ST18: variants seen among roughly 807,000 people sequenced by gnomAD.
ST18 encodes ST18 C2H2C-type zinc finger transcription factor, also known as suppression of tumorigenicity 18 protein.
A neutral mutation model predicts 110.0 loss-of-function variants in ST18; 50 were observed. That is an observed-to-expected ratio of 0.45 (90% confidence interval 0.36 to 0.58). The LOEUF is 0.58. ST18 is among the 20% of genes least tolerant of loss of function. ST18 has a pLI of 0.00. For synonymous variants in ST18, 461 were observed against 452.4 expected (o/e 1.02, Z -0.24); for missense variants, 1,306 against 1,280.1 (o/e 1.02, Z -0.31).
intron 15 of ST18, among the ~76,000 whole-genome samples, chr8:52,155,119 T>C (rs1057439475): frequency 3.3e-5 from 5 of 151,320 alleles, no homozygotes; most frequent in African/African-American, 1.2e-4. Flanking sequence ...GGAGAATCAC[T>C]TGAACCCAGA....
At chr8:52,268,562 C>T (rs1589460750) in intron 2 of ST18, among the ~76,000 whole-genome samples, 1 of 151,938 alleles carries the variant, frequency 6.6e-6, no homozygotes, top group African/African-American at 2.4e-5. Flanking sequence ...ATCTATCTAT[C>T]ATCTATCTAT....
intron 8 of ST18, among the ~76,000 whole-genome samples, chr8:52,185,386 C>A (rs548177550): frequency 6.6e-6 from 1 of 152,220 alleles, no homozygotes; most frequent in East Asian, 1.9e-4. Flanking sequence ...CCTACCAATA[C>A]CTCCAGAGGA....
intron 2 of ST18, among the ~76,000 whole-genome samples, chr8:52,364,150 G>C (rs921406317): frequency 9.2e-5 from 14 of 152,170 alleles, no homozygotes; most frequent in African/African-American, 3.1e-4. Flanking sequence ...TAAAACAAAG[G>C]CTGCAGCAAA....
At chr8:52,309,146 T>C (rs1246976040) in intron 2 of ST18, among the ~76,000 whole-genome samples, 1 of 152,132 alleles carries the variant, frequency 6.6e-6, no homozygotes, top group Non-Finnish European at 1.5e-5. Context: ...AAGTAAATGC[T>C]GAGGGAGTGA....
intron 2 of ST18, among the ~76,000 whole-genome samples, chr8:52,250,116 T>A (rs980425832): frequency 4.6e-5 from 7 of 151,960 alleles, no homozygotes; most frequent in Non-Finnish European, 1.0e-4. Context: ...TGTCCATAAG[T>A]ATCAGAGAGA....
At chr8:52,319,389 C>A (rs1181173403) in intron 2 of ST18, among the ~76,000 whole-genome samples, 1 of 151,968 alleles carries the variant, frequency 6.6e-6, no homozygotes, top group Non-Finnish European at 1.5e-5. Context: ...CTGTTGTGTT[C>A]TTTTATGATT....
intron 2 of ST18, among the ~76,000 whole-genome samples, chr8:52,283,895 A>T (rs2095427270): frequency 2.6e-5 from 4 of 152,194 alleles, no homozygotes; most frequent in African/African-American, 9.7e-5. Context: ...AAGACAAGAA[A>T]ATATATGAAA....
intron 8 of ST18, among the ~76,000 whole-genome samples, chr8:52,196,343 AT>A (rs1332849603): frequency 6.6e-6 from 1 of 152,198 alleles, no homozygotes; most frequent in African/African-American, 2.4e-5. Context: ...AAGTATCTTC[AT>A]ATTCTTTTCA....
intron 2 of ST18, among the ~76,000 whole-genome samples, chr8:52,254,936 C>A (rs1209322982): frequency 1.3e-5 from 2 of 152,094 alleles, no homozygotes; most frequent in African/African-American, 4.8e-5. Flanking sequence ...CAGAAGCTCA[C>A]GAATTAGACA....
Position 52,235,081 on chromosome 8 carries a change from C to A in ST18, c.-464-5004G>T, listed in dbSNP as rs1424070615. Among the ~76,000 whole-genome samples, 5 of 151,922 alleles carry A rather than the reference C, an allele frequency of 3.3e-5. No individual in the cohort carries two copies. In the East Asian group the frequency reaches 7.8e-4, roughly 24 times the overall value. ...ACCACTAAAAAATTTACTTGTGTAACCAAATACCACCTGTTCCCCAAAAAC... is the reference window on the plus strand; with the variant it reads ...ACCACTAAAAAATTTACTTGTGTAAACAAATACCACCTGTTCCCCAAAAAC... On this transcript the variant is annotated intron_variant, in intron 2 of 25. Coordinates refer to ENST00000689386, the MANE Select transcript of ST18 (RefSeq NM_001352837.2).
chr8:52,138,736 T>G (rs1416602815), intron 17 of ST18, among the ~76,000 whole-genome samples: 1 of 152,240 alleles, frequency 6.6e-6, no homozygotes, highest in Non-Finnish European at 1.5e-5. Context: ...CCCAGCCTAC[T>G]CAGTGTTATT....
At position 52,161,579 on chromosome 8, in the gene ST18, G is replaced by A; in HGVS notation, c.1401-11C>T. ...TTCACCAAACTTGTCCTGGAGAGGG[G>A]GGTGAAGCAGTTCAAAAGAAATACA... On this transcript the variant is annotated splice_polypyrimidine_tract_variant and intron_variant, in intron 13 of 25. Coordinates refer to ENST00000689386, the MANE Select transcript of ST18 (RefSeq NM_001352837.2). 3.7e-6 allele frequency: 6 copies of A among 1,613,278 alleles called. No individual in the cohort carries two copies. The highest frequency in any genetic ancestry group is 3.3e-5 in the South Asian group (3 of 90,996).
chr8:52,271,694 T>C (rs1009412154), intron 2 of ST18, among the ~76,000 whole-genome samples: 2 of 152,232 alleles, frequency 1.3e-5, no homozygotes, highest in Non-Finnish European at 2.9e-5. Context: ...ATATTCTCCT[T>C]TAAGTCATCA....
At chr8:52,163,939 G>A in intron 13 of ST18, 47 bp downstream of exon 13, 3 of 1,485,328 alleles carry the variant, frequency 2.0e-6, no homozygotes, top group African/African-American at 1.4e-5. Flanking sequence ...CCGCTGTGCA[G>A]GAGCCTGGAT....
chr8:52,291,549 A>C (rs892112306), intron 2 of ST18, among the ~76,000 whole-genome samples: 10 of 152,228 alleles, frequency 6.6e-5, no homozygotes, highest in Non-Finnish European at 1.5e-5. Flanking sequence ...AGTGCTTTAC[A>C]TACATTATAC....
chr8:52,228,683 A>C (rs964902199), intron 3 of ST18, among the ~76,000 whole-genome samples: 1 of 152,118 alleles, frequency 6.6e-6, no homozygotes, highest in African/African-American at 2.4e-5. Context: ...GTGGGGAAGT[A>C]TTATTGATGT....
chr8:52,195,388 A>G (rs935426136), intron 8 of ST18, among the ~76,000 whole-genome samples: 15 of 152,098 alleles, frequency 9.9e-5, no homozygotes, highest in African/African-American at 3.6e-4. Context: ...TTTTGAGTAT[A>G]TAATATAATA....
At chr8:52,313,478 C>G (rs774101571) in intron 2 of ST18, 12 of 164,766 alleles carry the variant, frequency 7.3e-5, no homozygotes, top group African/African-American at 1.2e-4. Context: ...AAGCTTATGA[C>G]AGTATGTCCA....
At chr8:52,291,462 G>A (rs2095554974) in intron 2 of ST18, among the ~76,000 whole-genome samples, 1 of 152,132 alleles carries the variant, frequency 6.6e-6, no homozygotes, top group African/African-American at 2.4e-5. Flanking sequence ...GACATTGTTG[G>A]GAATTGTTAA....
Sources: gnomAD v4.1 joint callset for allele counts (sites outside exome capture counted in the v4.1 genomes callset) on GRCh38, gnomAD v4.1.1 for gene constraint, MANE v1.5 for transcripts, NCBI Gene and HGNC (gene_info 2026-07-23, HGNC 2026-07-21) for gene names.